Variants in DOCK3 observed in about 807,000 individuals in gnomAD.
The protein encoded by DOCK3 is dedicator of cytokinesis 3, also known as dedicator of cytokinesis protein 3.
A neutral mutation model predicts 265.6 loss-of-function variants in DOCK3; 60 were observed. The observed-to-expected ratio is 0.23, with a 90% CI of 0.18 to 0.28. The LOEUF (loss-of-function observed/expected upper bound fraction) is 0.28. Among genes scored for constraint, DOCK3 ranks in the 10% least tolerant of loss-of-function variants. The pLI is 1.00. For missense variants in DOCK3, 1,981 were observed against 2,594.3 expected (o/e 0.76, Z 5.14); for synonymous variants, 881 against 938.0 (o/e 0.94, Z 1.11).
intron 5 of DOCK3, among the ~76,000 whole-genome samples, chr3:50,970,799 T>A (rs2077177391): frequency 7.1e-6 from 1 of 141,530 alleles, no homozygotes; most frequent in South Asian, 2.3e-4. Flanking sequence ...CAAAAATAGC[T>A]CACTGCAGCC....
intron 6 of DOCK3, among the ~76,000 whole-genome samples, chr3:51,066,203 C>CA (rs1560013161): frequency 6.6e-6 from 1 of 151,592 alleles, no homozygotes; most frequent in South Asian, 2.1e-4. Context: ...TTTTGCCTTC[C>CA]AAAAAAAGAA....
intron 1 of DOCK3, among the ~76,000 whole-genome samples, chr3:50,763,349 A>G (rs988541984): frequency 2.0e-5 from 3 of 151,972 alleles, no homozygotes; most frequent in Admixed American, 6.6e-5. Context: ...GGTGAGATAC[A>G]CGGCTCCCTG....
Position 51,339,017 on chromosome 3 carries a change from A to C in DOCK3, c.3755A>C (p.Glu1252Ala), listed in dbSNP as rs753999418. ...CTTTGTGACATGCACTTGCAGGCCG[A>C]AAACTACACAGGTAAGTGGGGAGAA... is the stretch of plus-strand genomic sequence containing the variant. The part of the protein sequence containing the change: ...HKLCDMHLQA[E>A]NYTEAAFTLL... The change falls in exon 37 of 53, where the codon GAA (glutamate) becomes GCA (alanine). Residue 1252 changes from glutamate to alanine, a missense_variant. This residue lies in a region of DOCK3 where 1,357 missense variants were observed against 1,866.8 expected (regional missense o/e 0.73). Coordinates refer to ENST00000266037, the MANE Select transcript of DOCK3 (RefSeq NM_004947.5). 5 of 1,596,872 alleles carry C rather than the reference A, an allele frequency of 3.1e-6. No individual in the cohort carries two copies. In the East Asian group the frequency reaches 1.1e-4, roughly 36 times the overall value.
chr3:50,999,350 G>T (rs991747613), intron 5 of DOCK3, among the ~76,000 whole-genome samples: 2 of 151,230 alleles, frequency 1.3e-5, no homozygotes, highest in Admixed American at 1.3e-4. Context: ...TCTGGTTAGA[G>T]TTAGACACTG....
Position 50,804,585 on chromosome 3 carries a change from G to A in DOCK3, c.121+25827G>A, listed in dbSNP as rs114745787. On this transcript the variant is annotated intron_variant, in intron 2 of 52. Coordinates refer to ENST00000266037, the MANE Select transcript of DOCK3 (RefSeq NM_004947.5). ...AACCCCATCTCCACCAAAAATATACGAAAACCAGTCAGGCGTGGCGGCTGG... is the reference window on the plus strand; with the variant it reads ...AACCCCATCTCCACCAAAAATATACAAAAACCAGTCAGGCGTGGCGGCTGG... Among the ~76,000 whole-genome samples, 1,193 of 152,198 alleles carry A rather than the reference G, an allele frequency of 7.8e-3. 19 individuals carry two copies. The highest frequency in any genetic ancestry group is 0.028 in the African/African-American group (1,145 of 41,526).
Position 50,816,775 on chromosome 3 carries a change from TTC to T in DOCK3, c.122-24894_122-24893del, listed in dbSNP as rs555816837. 7.9e-5 allele frequency among the ~76,000 whole-genome samples: 12 copies of T among 152,200 alleles called. No homozygotes were observed. In the East Asian group the frequency reaches 2.3e-3, roughly 29 times the overall value. On this transcript the variant is annotated intron_variant, in intron 2 of 52. Transcript: ENST00000266037. ...CCCAAGCCTTCTATTGGATTTTTGT[TTC>T]TCTCTTATATTTTCATTTCTTTTCT...
intron 2 of DOCK3, among the ~76,000 whole-genome samples, chr3:50,808,329 G>A (rs896011252): frequency 1.3e-5 from 2 of 152,086 alleles, no homozygotes; most frequent in African/African-American, 4.8e-5. Flanking sequence ...AATCCAGCAG[G>A]CTTTTTTTGG....
chr3:50,954,021 T>TTGTTATGCAACCCCCACCAC (rs1239705809), intron 5 of DOCK3, among the ~76,000 whole-genome samples: 1 of 152,110 alleles, frequency 6.6e-6, no homozygotes. Flanking sequence ...ATCCCCACCA[T>TTGTTATGCAACCCCCACCAC]TGTTATGCAA....
At chr3:50,915,199 C>G (rs181413845) in intron 4 of DOCK3, among the ~76,000 whole-genome samples, 13 of 152,122 alleles carry the variant, frequency 8.5e-5, no homozygotes, top group Non-Finnish European at 1.6e-4. Context: ...GAGCAGGATA[C>G]AGCTGCAGTT....
In DOCK3 at chr3:51,354,971, C is replaced by T. The variant is rs1396620192; in HGVS notation, c.4197C>T (p.Ala1399=). 4 of 1,613,934 alleles carry T rather than the reference C, an allele frequency of 2.5e-6. No individual in the cohort carries two copies. The East Asian group carries it at 6.7e-5, about 27-fold the overall frequency. Residue 1399 remains alanine, a synonymous_variant, in exon 41 of 53, where the codon GCC becomes GCT. Transcript: ENST00000266037. ...RMLSEFPQAV[A]MQHPNHPDDA... ...TCAGTGAGTTTCCGCAGGCTGTCGC[C>T]ATGCAGCACCCCAACCATCCTGATG... is the stretch of plus-strand genomic sequence containing the variant.
intron 5 of DOCK3, among the ~76,000 whole-genome samples, chr3:51,032,488 A>C (rs911463395): frequency 6.6e-6 from 1 of 152,144 alleles, no homozygotes; most frequent in African/African-American, 2.4e-5. Context: ...TAGCCACTCC[A>C]GCCTTCTTAT....
At chr3:51,379,194 C>G (rs2088393037) in intron 51 of DOCK3, among the ~76,000 whole-genome samples, 1 of 152,218 alleles carries the variant, frequency 6.6e-6, no homozygotes, top group African/African-American at 2.4e-5. Context: ...GCTGCACATT[C>G]AGCTATCTCA....
chr3:51,321,712 C>T (rs758482225), intron 32 of DOCK3, among the ~76,000 whole-genome samples: 5 of 151,442 alleles, frequency 3.3e-5, no homozygotes, highest in African/African-American at 7.3e-5. Context: ...ATTGATCAAG[C>T]GGAAGAAAGA....
chr3:51,083,526 C>G (rs547130187), intron 7 of DOCK3, among the ~76,000 whole-genome samples: 1 of 152,082 alleles, frequency 6.6e-6, no homozygotes, highest in African/African-American at 2.4e-5. Flanking sequence ...CAAGAGAACA[C>G]AGATAAACAA....
chr3:51,053,113 A>ATATATATG (rs1553745876), intron 5 of DOCK3, among the ~76,000 whole-genome samples: 43 of 125,694 alleles, frequency 3.4e-4, no homozygotes, highest in African/African-American at 1.2e-3. Context: ...ATATATATAT[A>ATATATATG]TATATATATG....
intron 1 of DOCK3, among the ~76,000 whole-genome samples, chr3:50,684,461 T>C (rs2035484): frequency 0.073 from 11,166 of 152,322 alleles, 1,095 homozygotes; most frequent in East Asian, 0.33. Context: ...TGTGACATCA[T>C]GAGTGTACTT....
chr3:50,719,824 A>G (rs542902782), intron 1 of DOCK3: 3 of 765,192 alleles, frequency 3.9e-6, no homozygotes, highest in African/African-American at 3.4e-5. Context: ...CTGTGAAAGC[A>G]GGAACACTTA....
intron 40 of DOCK3, among the ~76,000 whole-genome samples, chr3:51,354,121 CAATAAACAGTTACTG>C (rs2086194465): frequency 6.6e-6 from 1 of 152,106 alleles, no homozygotes. Flanking sequence ...GTTACTAATG[CAATAAACAGTTACTG>C]AATACCTACT....
At chr3:51,140,743 T>A (rs1383339305) in intron 9 of DOCK3, among the ~76,000 whole-genome samples, 1 of 152,182 alleles carries the variant, frequency 6.6e-6, no homozygotes, top group Non-Finnish European at 1.5e-5. Flanking sequence ...AATTTCTCCA[T>A]TTCCTTGTCA....
Sources: allele counts gnomAD v4.1 joint callset (sites outside exome capture counted in the v4.1 genomes callset), GRCh38; gene constraint gnomAD v4.1.1; regional missense constraint gnomAD v4.1.1; transcripts MANE v1.5; gene names NCBI Gene and HGNC (gene_info 2026-07-23, HGNC 2026-07-21).